Variants in PDXP observed in about 807,000 individuals in gnomAD.
The protein encoded by PDXP is pyridoxal phosphatase.
In PDXP, 15 loss-of-function variants were observed where a neutral mutation model predicts 14.4. The ratio of observed to expected loss-of-function variants is 1.04; its 90% CI spans 0.70 to 1.60. The LOEUF (loss-of-function observed/expected upper bound fraction) is 1.60, where lower values mean the gene tolerates loss of function less well. Ranked by LOEUF, PDXP falls within the 40% of genes most tolerant of loss-of-function variation. The probability of loss-of-function intolerance (pLI) is 0.00; values close to 1 mark genes in which losing one functional copy is unlikely to be tolerated. For synonymous variants in PDXP, 233 were observed against 205.6 expected, an observed-to-expected ratio of 1.13 and a Z score of -1.14; for missense variants, 413 against 427.6, an observed-to-expected ratio of 0.97 and a Z score of 0.30.
intron 1 of PDXP, among the ~76,000 whole-genome samples, chr22:37,663,328 G>A (rs1008064443): frequency 6.7e-6 from 1 of 149,914 alleles, no homozygotes; most frequent in African/African-American, 2.5e-5. Flanking sequence ...AAATCATATA[G>A]TTGTAAGTTT....
intron 1 of PDXP, among the ~76,000 whole-genome samples, chr22:37,663,702 T>C (rs1434966698): frequency 2.0e-5 from 3 of 152,132 alleles, no homozygotes; most frequent in African/African-American, 7.2e-5. Flanking sequence ...TGCTTTTGTC[T>C]GACTCAAACC....
rs1921077057 is a variant in PDXP, at chr22:37,666,165, G to A, written c.*294G>A. The A allele has an allele frequency of 2.0e-6, 1 of 503,444 alleles. No individual in the cohort carries two copies. The highest frequency in any genetic ancestry group is 3.7e-6 in the Non-Finnish European group (1 of 269,822). The allele number at this position is 503,444 out of a possible 1,614,324, so 31.2% of individuals were successfully genotyped here. A position where few individuals can be genotyped will look rare whatever the true frequency, so the allele number is the denominator to read the frequency against. On this transcript the variant is annotated 3_prime_UTR_variant, in exon 2 of 2. Coordinates refer to ENST00000215904, the MANE Select transcript of PDXP (RefSeq NM_020315.5). ...CCCTCCTTGAAATCTGGGCCCTGGT[G>A]CCTGCTGAAGATTCCCTCTATCCCT...
In PDXP at chr22:37,666,174, A is replaced by C; in HGVS notation, c.*303A>C. On this transcript the variant is annotated 3_prime_UTR_variant, in exon 2 of 2. Coordinates refer to ENST00000215904, the MANE Select transcript of PDXP (RefSeq NM_020315.5). Reference sequence around the variant, plus strand: ...AAATCTGGGCCCTGGTGCCTGCTGAAGATTCCCTCTATCCCTGAGTACTTA... The same window carrying C: ...AAATCTGGGCCCTGGTGCCTGCTGACGATTCCCTCTATCCCTGAGTACTTA... The C allele has an allele frequency of 2.0e-6, 1 of 491,246 alleles. No individual in the cohort carries two copies. The highest frequency in any genetic ancestry group is 3.8e-6 in the Non-Finnish European group (1 of 262,044). The allele number at this position is 491,246 out of a possible 1,614,324, so 30.4% of individuals were successfully genotyped here. A position where few individuals can be genotyped will look rare whatever the true frequency, so the allele number is the denominator to read the frequency against.
rs761785741 is a variant in PDXP at position 37,665,888 on chromosome 22, G to C, written c.*17G>C. On this transcript the variant is annotated 3_prime_UTR_variant, in exon 2 of 2. Coordinates refer to ENST00000215904, the MANE Select transcript of PDXP (RefSeq NM_020315.5). ...GAGGACTGAGCCCACTGCACCTGCAGCCACAGGCCCACCCCTCCCCACTCC... is the reference window on the plus strand; with the variant it reads ...GAGGACTGAGCCCACTGCACCTGCACCCACAGGCCCACCCCTCCCCACTCC... The C allele has an allele frequency of 1.7e-5, 28 of 1,604,076 alleles. No homozygotes were observed. Among genetic ancestry groups the C allele is most frequent in the Non-Finnish European group, 2.4e-5 (28 of 1,172,954 alleles).
In PDXP at chr22:37,659,035, C is replaced by T; in HGVS notation, c.253C>T (p.Leu85Phe). The T allele has an allele frequency of 2.6e-6, 3 of 1,163,648 alleles. No individual in the cohort carries two copies. Among genetic ancestry groups the T allele is most frequent in the Non-Finnish European group, 3.2e-6 (3 of 942,338 alleles). 72.1% of individuals were successfully genotyped at this position (1,163,648 alleles called of 1,614,324 possible). The stretch of plus-strand genomic sequence containing the variant: ...CTTCGGGGGGCTGCGCGCCGAGCAG[C>T]TCTTCAGCTCCGCGCTGTGCGCCGC... Reference protein sequence around the residue: ...LGFGGLRAEQLFSSALCAARL... With the variant: ...LGFGGLRAEQFFSSALCAARL... Residue 85 changes from leucine (L) to phenylalanine (F), a missense_variant, in exon 1 of 2, where the codon CTC becomes TTC. Coordinates refer to ENST00000215904, the MANE Select transcript of PDXP (RefSeq NM_020315.5).
At chr22:37,659,608 G>C (rs566053357) in intron 1 of PDXP, among the ~76,000 whole-genome samples, 1 of 152,142 alleles carries the variant, frequency 6.6e-6, no homozygotes, top group South Asian at 2.1e-4. Flanking sequence ...GGAGTTGGGC[G>C]GAATTCTGCC....
chr22:37,659,701 G>T (rs1173642054), intron 1 of PDXP, among the ~76,000 whole-genome samples: 1 of 152,218 alleles, frequency 6.6e-6, no homozygotes, highest in Non-Finnish European at 1.5e-5. Flanking sequence ...ATTCCCAGAG[G>T]CAGGGTGTAG....
rs73424804 is a variant in PDXP, at chr22:37,663,574, C to T, written c.575-1981C>T. Among the ~76,000 whole-genome samples the T allele has an allele frequency of 3.0e-3, 460 of 152,102 alleles. 3 individuals carry two copies. Among genetic ancestry groups the T allele is most frequent in the African/African-American group, 0.011 (445 of 41,484 alleles). On this transcript the variant is annotated intron_variant, in intron 1 of 1. Coordinates refer to ENST00000215904, the MANE Select transcript of PDXP (RefSeq NM_020315.5). ...CCAGGATTTAATATCAATGACTGTC[C>T]GGGTCAGTGGCCAGCAGAGAGGGAG...
At position 37,665,537 on chromosome 22, in the gene PDXP, G is replaced by T. The variant is rs8138057; in HGVS notation, c.575-18G>T. On this transcript the variant is annotated intron_variant, in intron 1 of 1. Coordinates refer to ENST00000215904, the MANE Select transcript of PDXP (RefSeq NM_020315.5). Reference sequence around the variant, plus strand: ...TCCCTGCCGCCCTCCTGCTGACTGCGTCTCCATCTCCCTACAGGCACCGGG... The same window carrying T: ...TCCCTGCCGCCCTCCTGCTGACTGCTTCTCCATCTCCCTACAGGCACCGGG... 1.9e-6 allele frequency: 3 copies of T among 1,581,960 alleles called. No homozygotes were observed. The highest frequency in any genetic ancestry group is 2.6e-6 in the Non-Finnish European group (3 of 1,165,232).
At chr22:37,665,246 G>A (rs1921030204) in intron 1 of PDXP, 1 of 436,858 alleles carries the variant, frequency 2.3e-6, no homozygotes, top group East Asian at 4.1e-5. Context: ...TTTACCTGCA[G>A]TAGCTCCACG....
intron 1 of PDXP, among the ~76,000 whole-genome samples, chr22:37,662,500 C>G (rs543258545): frequency 1.3e-5 from 2 of 152,190 alleles, no homozygotes; most frequent in East Asian, 1.9e-4. Context: ...CCAGTACAGC[C>G]GATCTTGAGC....
chr22:37,661,911 T>C (rs1933211470), intron 1 of PDXP, among the ~76,000 whole-genome samples: 1 of 144,716 alleles, frequency 6.9e-6, no homozygotes, highest in South Asian at 2.2e-4. Flanking sequence ...TCTCTCTTTT[T>C]CTTTAATTTT....
Position 37,659,026 on chromosome 22 carries a change from G to A in PDXP, c.244G>A (p.Ala82Thr). The A allele has an allele frequency of 1.7e-6, 2 of 1,178,712 alleles. No individual in the cohort carries two copies. Among genetic ancestry groups the A allele is most frequent in the Non-Finnish European group, 2.1e-6 (2 of 951,264 alleles). The allele number at this position is 1,178,712 out of a possible 1,614,324, so 73.0% of individuals were successfully genotyped here. The change falls in exon 1 of 2, where the codon GCC (alanine) becomes ACC (threonine). Residue 82 changes from alanine to threonine, a missense_variant. Transcript: ENST00000215904. The part of the protein sequence containing the change: ...FARLGFGGLR[A>T]EQLFSSALCA... ...GCGCCTCGGCTTCGGGGGGCTGCGC[G>A]CCGAGCAGCTCTTCAGCTCCGCGCT... is the stretch of plus-strand genomic sequence containing the variant.
At position 37,666,202 on chromosome 22, in the gene PDXP, C is replaced by CT. The variant is rs1035300514; in HGVS notation, c.*333dup. ...TTCCCTCTATCCCTGAGTACTTAGT[C>CT]TTCTCCCCCTTCCCTGGGGCTTCTA... is the stretch of plus-strand genomic sequence containing the variant. On this transcript the variant is annotated 3_prime_UTR_variant, in exon 2 of 2. Transcript: ENST00000215904. 2.6e-6 allele frequency: 1 copy of CT among 384,850 alleles called. No individual in the cohort carries two copies. The highest frequency in any genetic ancestry group is 5.0e-6 in the Non-Finnish European group (1 of 200,346). The allele number at this position is 384,850 out of a possible 1,614,324, so 23.8% of individuals were successfully genotyped here.
At position 37,658,902 on chromosome 22, in the gene PDXP, C is replaced by T. The variant is rs926123746; in HGVS notation, c.120C>T (p.Ala40=). ...ACGGCGAGCGCGCCGTGCCGGGCGC[C>T]CCGGAGCTGCTGGAGCGGCTGGCGC... is the stretch of plus-strand genomic sequence containing the variant. The part of the protein sequence containing the change: ...LWNGERAVPG[A]PELLERLARA... The change falls in exon 1 of 2, where the codon GCC becomes GCT. Residue 40 remains alanine, a synonymous_variant. Transcript: ENST00000215904. 1.6e-6 allele frequency: 2 copies of T among 1,229,400 alleles called. No individual in the cohort carries two copies. Among genetic ancestry groups the T allele is most frequent in the Non-Finnish European group, 2.0e-6 (2 of 984,098 alleles). The allele number at this position is 1,229,400 out of a possible 1,614,324, so 76.2% of individuals were successfully genotyped here.
chr22:37,663,919 C>CTCT lies in PDXP; in HGVS notation c.575-1635_575-1634insCTT, dbSNP rs1486863368. Among the ~76,000 whole-genome samples the CTCT allele has an allele frequency of 1.3e-3, 131 of 98,290 alleles. 1 individual carries two copies. The highest frequency in any genetic ancestry group is 5.6e-3 in the African/African-American group (127 of 22,484). The allele number at this position is 98,290 out of a possible 152,430, so 64.5% of individuals were successfully genotyped here. A position where few individuals can be genotyped will look rare whatever the true frequency, so the allele number is the denominator to read the frequency against. On this transcript the variant is annotated intron_variant, in intron 1 of 1. Transcript: ENST00000215904. Reference sequence around the variant, plus strand: ...TGCAGCTGTGCCTGGAATACGTTGACTTTTTTTTTTTTTTTTTTTTTTTTT... The same window carrying CTCT: ...TGCAGCTGTGCCTGGAATACGTTGACTCTTTTTTTTTTTTTTTTTTTTTTTTTT...
chr22:37,658,871 T>G lies in PDXP; in HGVS notation c.89T>G (p.Leu30Arg). The G allele has an allele frequency of 5.7e-6, 7 of 1,220,064 alleles. No individual in the cohort carries two copies. The highest frequency in any genetic ancestry group is 7.2e-6 in the Non-Finnish European group (7 of 978,856). The allele number at this position is 1,220,064 out of a possible 1,614,324, so 75.6% of individuals were successfully genotyped here. A position where few individuals can be genotyped will look rare whatever the true frequency, so the allele number is the denominator to read the frequency against. The change falls in exon 1 of 2, where the codon CTG becomes CGG. Residue 30 changes from leucine to arginine, a missense_variant. Transcript: ENST00000215904. Reference sequence around the variant, plus strand: ...GTCCTGTTCGACTGTGACGGGGTGCTGTGGAACGGCGAGCGCGCCGTGCCG... The same window carrying G: ...GTCCTGTTCGACTGTGACGGGGTGCGGTGGAACGGCGAGCGCGCCGTGCCG... Reference protein sequence around the residue: ...QGVLFDCDGVLWNGERAVPGA... With the variant: ...QGVLFDCDGVRWNGERAVPGA...
intron 1 of PDXP, among the ~76,000 whole-genome samples, chr22:37,663,043 G>A (rs1410317669): frequency 5.3e-5 from 8 of 151,694 alleles, no homozygotes; most frequent in Non-Finnish European, 1.2e-4. Flanking sequence ...GCTCACACCT[G>A]TAATCCCAGC....
In PDXP at chr22:37,659,076, G is replaced by A. The variant is rs1260873002; in HGVS notation, c.294G>A (p.Gln98=). The change falls in exon 1 of 2, where the codon CAG becomes CAA. Residue 98 remains glutamine (Q), a synonymous_variant. Transcript: ENST00000215904. The part of the protein sequence containing the change: ...SALCAARLLR[Q]RLPGPPDAPG... ...TGTGCGCCGCGCGCCTGCTGCGCCA[G>A]CGCCTGCCCGGGCCTCCGGACGCGC... 6 of 1,096,952 alleles carry A rather than the reference G, an allele frequency of 5.5e-6. No homozygotes were observed. The allele number at this position is 1,096,952 out of a possible 1,614,324, so 68.0% of individuals were successfully genotyped here. A position where few individuals can be genotyped will look rare whatever the true frequency, so the allele number is the denominator to read the frequency against.
Sources: allele counts gnomAD v4.1 joint callset (sites outside exome capture counted in the v4.1 genomes callset), GRCh38; gene constraint gnomAD v4.1.1; transcripts MANE v1.5; gene names NCBI Gene and HGNC (gene_info 2026-07-23, HGNC 2026-07-21).